HSF2: variants seen among roughly 807,000 people sequenced by gnomAD.
HSF2 encodes the protein heat shock transcription factor 2, also known as heat shock factor protein 2.
In HSF2, 21 loss-of-function variants were observed where a neutral mutation model predicts 65.0. That is an observed-to-expected ratio of 0.32 (90% CI 0.23 to 0.47). The LOEUF (loss-of-function observed/expected upper bound fraction) is 0.47, where lower values mean the gene tolerates loss of function less well. HSF2 is among the 20% of genes least tolerant of loss of function. The pLI is 1.00. For missense variants in HSF2, 499 were observed against 628.1 expected (o/e 0.79, Z 2.20); for synonymous variants, 225 against 219.1 (o/e 1.03, Z -0.24).
chr6:122,416,267 C>T lies in HSF2; in HGVS notation c.502C>T (p.His168Tyr). 6.2e-7 allele frequency: 1 copy of T among 1,611,348 alleles called. No homozygotes were observed. The highest frequency in any genetic ancestry group is 8.5e-7 in the Non-Finnish European group (1 of 1,177,710). ...GGAGGTGTCAGAATTACGAGCAAAGCATGCACAACAGCAACAAGTTATTCG... is the reference window on the plus strand; with the variant it reads ...GGAGGTGTCAGAATTACGAGCAAAGTATGCACAACAGCAACAAGTTATTCG... ...WKEVSELRAK[H>Y]AQQQQVIRKI... The change falls in exon 5 of 13, where the codon CAT (histidine) becomes TAT (tyrosine). Residue 168 changes from histidine (H) to tyrosine (Y), a missense_variant. This residue lies in a region of HSF2 where 150 missense variants were observed against 234.6 expected (regional missense o/e 0.64). Coordinates refer to ENST00000368455, the MANE Select transcript of HSF2 (RefSeq NM_004506.4).
chr6:122,431,495 AAAATCT>A lies in HSF2; in HGVS notation c.1302_1307del (p.Ser436_Lys437del). ...TTCAGCCAGTTTCGGAAGAGGGAAG[AAAATCT>A]AAATCCAAACCAGGTAGGTATAAAT... is the stretch of plus-strand genomic sequence containing the variant. On this transcript the variant is annotated inframe_deletion, in exon 12 of 13. Transcript: ENST00000368455. 1.9e-6 allele frequency: 3 copies of A among 1,587,232 alleles called. No individual in the cohort carries two copies. The highest frequency in any genetic ancestry group is 2.3e-5 in the East Asian group (1 of 44,238).
chr6:122,416,951 T>G (rs1268490087), intron 5 of HSF2, among the ~76,000 whole-genome samples: 1 of 152,202 alleles, frequency 6.6e-6, no homozygotes, highest in African/African-American at 2.4e-5. Context: ...GGCAGCTATT[T>G]TTTGCTCATG....
intron 1 of HSF2, among the ~76,000 whole-genome samples, chr6:122,404,009 G>A (rs1773804322): frequency 6.6e-6 from 1 of 152,286 alleles, no homozygotes; most frequent in Middle Eastern, 3.4e-3. Context: ...GAACTGGAAG[G>A]TCATCCTTTT....
intron 8 of HSF2, 133 bp downstream of exon 8, chr6:122,422,431 A>C: frequency 2.5e-6 from 2 of 802,266 alleles, no homozygotes; most frequent in Non-Finnish European, 4.0e-6. Flanking sequence ...TTGATAATTA[A>C]GCTAAATTAT....
intron 1 of HSF2, among the ~76,000 whole-genome samples, chr6:122,403,925 A>C (rs978476211): frequency 1.3e-5 from 2 of 152,196 alleles, no homozygotes; most frequent in African/African-American, 4.8e-5. Context: ...TTATATAGTA[A>C]AAAACAGCCT....
At chr6:122,416,405 A>G (rs1774130520) in intron 5 of HSF2, 109 bp downstream of exon 5, 6 of 614,696 alleles carry the variant, frequency 9.8e-6, no homozygotes, top group Non-Finnish European at 1.4e-5. Flanking sequence ...AGTTTCTTAC[A>G]TATTGGATGC....
chr6:122,400,822 C>T (rs1773713010), intron 1 of HSF2, among the ~76,000 whole-genome samples: 1 of 152,198 alleles, frequency 6.6e-6, no homozygotes, highest in Non-Finnish European at 1.5e-5. Flanking sequence ...AGATGATCAC[C>T]TATTGAGGCA....
intron 7 of HSF2, 96 bp downstream of exon 7, chr6:122,420,318 C>A: frequency 3.6e-6 from 3 of 841,108 alleles, no homozygotes; most frequent in Non-Finnish European, 3.5e-6. Context: ...TGGTGAATAA[C>A]AATTCAAGTG....
chr6:122,402,795 A>G (rs1773768947), intron 1 of HSF2, among the ~76,000 whole-genome samples: 1 of 151,886 alleles, frequency 6.6e-6, no homozygotes, highest in East Asian at 1.9e-4. Context: ...CAAGTGATCC[A>G]CCCGTCTCGG....
At chr6:122,401,428 A>G (rs960622229) in intron 1 of HSF2, among the ~76,000 whole-genome samples, 4 of 152,204 alleles carry the variant, frequency 2.6e-5, no homozygotes, top group African/African-American at 9.7e-5. Context: ...GGCCAGAAAT[A>G]GGGGCTATAT....
intron 12 of HSF2, 125 bp downstream of exon 12, chr6:122,431,639 C>G: frequency 1.9e-6 from 1 of 536,684 alleles, no homozygotes; most frequent in Non-Finnish European, 3.3e-6. Flanking sequence ...TGTCGAGGTT[C>G]TAGTATATAG....
chr6:122,431,833 G>A, intron 12 of HSF2, 92 bp from the exon 13 acceptor site: 4 of 1,060,252 alleles, frequency 3.8e-6, no homozygotes, highest in Non-Finnish European at 4.2e-6. Context: ...AGTAGTAATT[G>A]CCTATGTGTA....
At chr6:122,429,329 C>G (rs1181593598) in intron 11 of HSF2, among the ~76,000 whole-genome samples, 2 of 152,092 alleles carry the variant, frequency 1.3e-5, no homozygotes, top group South Asian at 2.1e-4. Flanking sequence ...AAACCAAGAC[C>G]TTGATTATAG....
chr6:122,427,940 A>C lies in HSF2; in HGVS notation c.1214A>C (p.Tyr405Ser). ...TCTGTGCAGATGAATCCCACAGATT[A>C]CATCAATAATACAAAAGTAAGTTTT... The part of the protein sequence containing the change: ...TSSVQMNPTD[Y>S]INNTKSENKG... The change falls in exon 11 of 13, where the codon TAC (tyrosine) becomes TCC (serine). Residue 405 changes from tyrosine (Y) to serine (S), a missense_variant. This residue lies in a region of HSF2 where 349 missense variants were observed against 393.5 expected (regional missense o/e 0.89). Transcript: ENST00000368455. 2 of 1,600,816 alleles carry C rather than the reference A, an allele frequency of 1.2e-6. No individual in the cohort carries two copies. The highest frequency in any genetic ancestry group is 1.7e-6 in the Non-Finnish European group (2 of 1,170,278).
chr6:122,429,196 T>C (rs1042041740), intron 11 of HSF2, among the ~76,000 whole-genome samples: 1 of 152,060 alleles, frequency 6.6e-6, no homozygotes, highest in Non-Finnish European at 1.5e-5. Flanking sequence ...TTACTGAATG[T>C]TATTCTCATG....
intron 4 of HSF2, among the ~76,000 whole-genome samples, chr6:122,414,599 A>T (rs1398618961): frequency 6.6e-6 from 1 of 151,992 alleles, no homozygotes; most frequent in Non-Finnish European, 1.5e-5. Flanking sequence ...TTTGTACCTT[A>T]GAGGGAACTT....
At chr6:122,426,036 C>G (rs1012642648) in intron 10 of HSF2, among the ~76,000 whole-genome samples, 1 of 152,014 alleles carries the variant, frequency 6.6e-6, no homozygotes, top group Non-Finnish European at 1.5e-5. Flanking sequence ...CTTGAATTCT[C>G]TTTCTCTCAT....
Position 122,423,700 on chromosome 6 carries a change from G to A in HSF2, c.1176+14G>A, listed in dbSNP as rs1478347779. On this transcript the variant is annotated intron_variant, in intron 10 of 12. Coordinates refer to ENST00000368455, the MANE Select transcript of HSF2 (RefSeq NM_004506.4). ...CTCCTGGTTGATGTAGGTACTTTGG[G>A]TAATCTTTGCTATACTGGTAGTTTG... 1 of 1,471,362 alleles carries A rather than the reference G, an allele frequency of 6.8e-7. No individual in the cohort carries two copies. The highest frequency in any genetic ancestry group is 9.5e-7 in the Non-Finnish European group (1 of 1,055,726). The allele number at this position is 1,471,362 out of a possible 1,614,324, so 91.1% of individuals were successfully genotyped here.
intron 11 of HSF2, among the ~76,000 whole-genome samples, chr6:122,428,608 C>G (rs1774389560): frequency 6.6e-6 from 1 of 151,954 alleles, no homozygotes; most frequent in Non-Finnish European, 1.5e-5. Flanking sequence ...TAGGTATACA[C>G]TCCCTTTATC....
Sources: gnomAD v4.1 joint callset for allele counts (sites outside exome capture counted in the v4.1 genomes callset) on GRCh38, gnomAD v4.1.1 for gene constraint, gnomAD v4.1.1 regional missense constraint, MANE v1.5 for transcripts, NCBI Gene and HGNC (gene_info 2026-07-23, HGNC 2026-07-21) for gene names.